The following PAM variants were observed in gnomAD, a reference collection of about 807,000 sequenced individuals.
PAM encodes peptidylglycine alpha-amidating monooxygenase, also known as peptidyl-glycine alpha-amidating monooxygenase.
In PAM, 72 loss-of-function variants were observed where a neutral mutation model predicts 122.1. The ratio of observed to expected loss-of-function variants is 0.59; its 90% CI spans 0.49 to 0.72. The LOEUF (loss-of-function observed/expected upper bound fraction) is 0.72, where lower values mean the gene tolerates loss of function less well. Ranked by LOEUF, PAM falls within the 30% of genes least tolerant of loss-of-function variation. The pLI, the probability that PAM is intolerant of heterozygous loss-of-function variation, is 0.00. For missense variants in PAM, 1,106 were observed against 1,183.7 expected, an observed-to-expected ratio of 0.93 and a Z score of 0.96; for synonymous variants, 389 against 404.4, an observed-to-expected ratio of 0.96 and a Z score of 0.46.
intron 3 of PAM, among the ~76,000 whole-genome samples, chr5:102,869,574 C>T (rs1463411546): frequency 1.3e-5 from 2 of 152,158 alleles, no homozygotes; most frequent in South Asian, 2.1e-4. Flanking sequence ...TCCCATCACT[C>T]TCTGTTGACC....
chr5:102,975,092 T>C (rs992650629), intron 15 of PAM, among the ~76,000 whole-genome samples: 1 of 152,230 alleles, frequency 6.6e-6, no homozygotes, highest in East Asian at 1.9e-4. Context: ...CAGGTTTCCG[T>C]ACCAGCAAGC....
chr5:103,017,882 TG>T (rs1397909073), intron 22 of PAM, among the ~76,000 whole-genome samples: 1 of 152,180 alleles, frequency 6.6e-6, no homozygotes, highest in Non-Finnish European at 1.5e-5. Context: ...AGAAGCACTT[TG>T]AATTTTCTGC....
intron 14 of PAM, among the ~76,000 whole-genome samples, chr5:102,971,094 C>T (rs888106863): frequency 6.6e-6 from 1 of 152,084 alleles, no homozygotes; most frequent in Non-Finnish European, 1.5e-5. Context: ...CATGAGCCAC[C>T]GTGCCCAGTC....
At chr5:102,909,930 C>T (rs1800872933) in intron 4 of PAM, among the ~76,000 whole-genome samples, 1 of 151,922 alleles carries the variant, frequency 6.6e-6, no homozygotes, top group Non-Finnish European at 1.5e-5. Context: ...ATTATCTATG[C>T]TCTGTAGTAT....
At chr5:102,924,445 A>C (rs889765109) in intron 5 of PAM, among the ~76,000 whole-genome samples, 34 of 151,888 alleles carry the variant, frequency 2.2e-4, no homozygotes, top group East Asian at 3.9e-4. Context: ...AAAAAAAAAA[A>C]AAAAAACAAA....
At chr5:102,854,380 T>C (rs1782087677) in intron 1 of PAM, among the ~76,000 whole-genome samples, 1 of 152,198 alleles carries the variant, frequency 6.6e-6, no homozygotes, top group South Asian at 2.1e-4. Context: ...CTCCTTATTT[T>C]GGTTTAAATT....
intron 20 of PAM, among the ~76,000 whole-genome samples, chr5:103,008,788 G>T (rs996283173): frequency 2.6e-5 from 4 of 151,950 alleles, no homozygotes; most frequent in African/African-American, 7.2e-5. Flanking sequence ...AGAAAAATTT[G>T]TCAGGACCCT....
chr5:102,941,929 A>G (rs183456639), intron 7 of PAM, among the ~76,000 whole-genome samples: 1 of 151,710 alleles, frequency 6.6e-6, no homozygotes, highest in Non-Finnish European at 1.5e-5. Flanking sequence ...GAGTGAACAC[A>G]AGATCTGGAT....
intron 1 of PAM, among the ~76,000 whole-genome samples, chr5:102,824,856 T>C (rs1773113290): frequency 6.6e-6 from 1 of 152,196 alleles, no homozygotes; most frequent in South Asian, 2.1e-4. Context: ...TTTTATATAT[T>C]ATAAACCACA....
At chr5:102,895,368 C>T (rs763266836) in intron 3 of PAM, among the ~76,000 whole-genome samples, 1 of 151,696 alleles carries the variant, frequency 6.6e-6, no homozygotes. Context: ...TTTATGAGGG[C>T]AGAGACTATG....
chr5:102,945,543 C>T (rs532023081), intron 7 of PAM, among the ~76,000 whole-genome samples: 2 of 151,500 alleles, frequency 1.3e-5, no homozygotes, highest in African/African-American at 4.8e-5. Context: ...ATCCTCTTAC[C>T]TGACTATTTT....
intron 7 of PAM, among the ~76,000 whole-genome samples, chr5:102,939,562 G>A (rs1454674331): frequency 1.3e-5 from 2 of 152,086 alleles, no homozygotes; most frequent in Non-Finnish European, 2.9e-5. Context: ...AAGGGTTTCA[G>A]TATTTTTTTC....
chr5:103,007,192 T>TACACACACACACACAC (rs56140031), intron 19 of PAM, among the ~76,000 whole-genome samples, 181 bp downstream of exon 19: 2,539 of 141,480 alleles, frequency 0.018, 31 homozygotes, highest in Non-Finnish European at 0.026. Flanking sequence ...CACATATACA[T>TACACACACACACACAC]ACACACACAC....
chr5:102,924,686 C>T (rs1748771971), intron 5 of PAM, among the ~76,000 whole-genome samples: 1 of 151,014 alleles, frequency 6.6e-6, no homozygotes, highest in Admixed American at 6.6e-5. Context: ...CATGTATGAA[C>T]ATATCAAAGT....
intron 5 of PAM, 109 bp downstream of exon 5, chr5:102,914,130 T>G (rs1347782193): frequency 3.0e-6 from 2 of 674,480 alleles, no homozygotes; most frequent in Non-Finnish European, 2.7e-6. Context: ...GGCAGAACAT[T>G]TTAAGAAAAA....
intron 1 of PAM, among the ~76,000 whole-genome samples, chr5:102,766,425 G>A (rs1351502762): frequency 1.3e-5 from 2 of 152,094 alleles, no homozygotes; most frequent in Non-Finnish European, 2.9e-5. Context: ...TGCAGTTGAC[G>A]TTAGGATTCC....
chr5:102,855,216 G>T (rs892076765), intron 1 of PAM, among the ~76,000 whole-genome samples: 8 of 152,028 alleles, frequency 5.3e-5, no homozygotes, highest in African/African-American at 1.9e-4. Flanking sequence ...TCAAATGAGA[G>T]AATGTTTTGA....
At chr5:102,921,852 C>A (rs983773550) in intron 5 of PAM, among the ~76,000 whole-genome samples, 1 of 152,078 alleles carries the variant, frequency 6.6e-6, no homozygotes, top group South Asian at 2.1e-4. Flanking sequence ...ACTGTGACAG[C>A]CAGAGCTTTA....
rs565627608 is a variant in PAM at position 103,005,297 on chromosome 5, T to C, written c.1803+71T>C. On this transcript the variant is annotated intron_variant, in intron 18 of 25. Coordinates refer to ENST00000438793, the MANE Select transcript of PAM (RefSeq NM_001177306.2). The stretch of plus-strand genomic sequence containing the variant: ...ATGCTTTTGAAGAGCTCTGGAGTTG[T>C]ATGGGTTTTTTGTTTGTTTGTTTTT... The C allele has an allele frequency of 1.2e-4, 104 of 865,430 alleles. No homozygotes were observed. In the African/African-American group the frequency reaches 1.7e-3, roughly 14 times the overall value. 53.6% of individuals were successfully genotyped at this position (865,430 alleles called of 1,614,324 possible).
Sources: allele counts gnomAD v4.1 joint callset (sites outside exome capture counted in the v4.1 genomes callset), GRCh38; gene constraint gnomAD v4.1.1; transcripts MANE v1.5; gene names NCBI Gene and HGNC (gene_info 2026-07-23, HGNC 2026-07-21).